The following SERPINA9 variants were observed in gnomAD, a reference collection of about 807,000 sequenced individuals.
SERPINA9 encodes serpin family A member 9.
SERPINA9 carries 32 observed loss-of-function variants against 24.5 expected under a neutral mutation model. That is an observed-to-expected ratio of 1.30 (90% confidence interval 0.98 to 1.75). The LOEUF (loss-of-function observed/expected upper bound fraction) is 1.75. SERPINA9 is among the 40% of genes most tolerant of loss of function. SERPINA9 has a pLI of 0.00. For synonymous variants in SERPINA9, 233 were observed against 197.7 expected (o/e 1.18, Z -1.50); for missense variants, 594 against 497.1 (o/e 1.19, Z -1.85).
At chr14:94,465,631 G>A (rs1312216268) in intron 3 of SERPINA9, among the ~76,000 whole-genome samples, 1 of 152,124 alleles carries the variant, frequency 6.6e-6, no homozygotes, top group Admixed American at 6.5e-5. Flanking sequence ...GGGTTCAAGT[G>A]TTTCTCCTGC....
At chr14:94,475,421 CACACACACACACACAT>C (rs1899552207) in intron 1 of SERPINA9, among the ~76,000 whole-genome samples, 2 of 89,346 alleles carry the variant, frequency 2.2e-5, no homozygotes, top group African/African-American at 9.1e-5. Flanking sequence ...CCTACATGTG[CACACACACACACACAT>C]ACACACACAC....
intron 3 of SERPINA9, among the ~76,000 whole-genome samples, chr14:94,466,306 T>C (rs1483432357): frequency 1.3e-5 from 2 of 152,206 alleles, no homozygotes; most frequent in African/African-American, 4.8e-5. Context: ...CACCGCCTCC[T>C]TGAAGCTGTC....
intron 3 of SERPINA9, among the ~76,000 whole-genome samples, chr14:94,465,551 G>A (rs938371234): frequency 6.6e-5 from 10 of 151,916 alleles, no homozygotes; most frequent in African/African-American, 2.4e-4. Context: ...TTTTTAAGAT[G>A]GAGTCTCACT....
intron 1 of SERPINA9, among the ~76,000 whole-genome samples, chr14:94,473,658 G>A (rs559164403): frequency 1.2e-4 from 19 of 152,126 alleles, no homozygotes; most frequent in Admixed American, 5.9e-4. Flanking sequence ...TCTTCAGGAC[G>A]CCGTGTAAGA....
rs1399480601 is a variant in SERPINA9 at position 94,469,659 on chromosome 14, A to C, written c.182T>G (p.Leu61Trp). The C allele has an allele frequency of 1.4e-5, 22 of 1,613,994 alleles. No homozygotes were observed. The South Asian group carries it at 2.1e-4, about 15-fold the overall frequency. ...GAAGATGTTCTGACTCGGGGTCTCCAAAACCAGCCTGCGGTATAGGCGGAA... is the reference window on the plus strand; with the variant it reads ...GAAGATGTTCTGACTCGGGGTCTCCCAAACCAGCCTGCGGTATAGGCGGAA... ...FAFRLYRRLV[L>W]ETPSQNIFFS... Residue 61 changes from leucine (L) to tryptophan (W), a missense_variant, in exon 2 of 5, where the codon TTG becomes TGG. By Grantham distance (61) the Leu-to-Trp change is moderately conservative (BLOSUM62 -2). Transcript: ENST00000674397.
intron 3 of SERPINA9, among the ~76,000 whole-genome samples, chr14:94,465,460 T>A (rs574053129): frequency 1.3e-5 from 2 of 152,368 alleles, no homozygotes; most frequent in South Asian, 4.1e-4. Context: ...CACCACCTGA[T>A]AATTTAGCAC....
chr14:94,475,441 C>T lies in SERPINA9; in HGVS notation c.-18+695G>A, dbSNP rs57819259. On this transcript the variant is annotated intron_variant, in intron 1 of 4. Transcript: ENST00000674397. Reference sequence around the variant, plus strand: ...ATGTGCACACACACACACACATACACACACACACACACACACACACACTGA... The same window carrying T: ...ATGTGCACACACACACACACATACATACACACACACACACACACACACTGA... 1.7e-3 allele frequency among the ~76,000 whole-genome samples: 26 copies of T among 15,356 alleles called. 1 individual carries two copies. The South Asian group carries it at 0.021, about 13-fold the overall frequency. 10.1% of individuals were successfully genotyped at this position (15,356 alleles called of 152,430 possible).
chr14:94,473,742 C>T (rs1280223511), intron 1 of SERPINA9, among the ~76,000 whole-genome samples: 1 of 152,120 alleles, frequency 6.6e-6, no homozygotes, highest in African/African-American at 2.4e-5. Flanking sequence ...GGCCCTCTAG[C>T]CTCAATGGTG....
intron 1 of SERPINA9, among the ~76,000 whole-genome samples, chr14:94,475,288 A>G (rs1899534599): frequency 1.3e-5 from 2 of 152,192 alleles, no homozygotes; most frequent in Middle Eastern, 3.4e-3. Context: ...GGCAACATGT[A>G]ACTCATCAGC....
Position 94,463,138 on chromosome 14 carries a change from G to T in SERPINA9, c.1209C>A (p.Asp403Glu). The change falls in exon 5 of 5, where the codon GAC becomes GAA. Residue 403 changes from aspartate (D) to glutamate (E), a missense_variant. By Grantham distance (45) the Asp-to-Glu change is conservative. Coordinates refer to ENST00000674397, the MANE Select transcript of SERPINA9 (RefSeq NM_175739.4). ...FLMMITNKAT[D>E]GILFLGKVEN... The stretch of plus-strand genomic sequence containing the variant: ...CCACTTTCCCTAGAAAGAGAATACC[G>T]TCTGTGGCTTTATTTGTAATCATCA... 6.2e-7 allele frequency: 1 copy of T among 1,614,148 alleles called. No individual in the cohort carries two copies. Among genetic ancestry groups the T allele is most frequent in the Non-Finnish European group, 8.5e-7 (1 of 1,179,974 alleles).
Position 94,464,804 on chromosome 14 carries a change from A to G in SERPINA9, c.953T>C (p.Leu318Pro), listed in dbSNP as rs745686158. Residue 318 changes from leucine to proline, a missense_variant, in exon 4 of 5, where the codon CTG (leucine) becomes CCG (proline). Leu to Pro is a moderately conservative substitution (Grantham distance 98, BLOSUM62 -3). Coordinates refer to ENST00000674397, the MANE Select transcript of SERPINA9 (RefSeq NM_175739.4). ...PRFSISASYN[L>P]ETILPKMGIQ... is the part of the protein sequence containing the mutation. ...GCCCATCTTCGGGAGGATGGTTTCCAGATTGTAGGAGGCAGAAATGGAAAA... is the reference window on the plus strand; with the variant it reads ...GCCCATCTTCGGGAGGATGGTTTCCGGATTGTAGGAGGCAGAAATGGAAAA... The G allele has an allele frequency of 1.2e-6, 2 of 1,613,670 alleles. No individual in the cohort carries two copies. The highest frequency in any genetic ancestry group is 1.7e-6 in the Non-Finnish European group (2 of 1,179,586).
At chr14:94,475,967 C>T (rs997403775) in intron 1 of SERPINA9, 169 bp downstream of exon 1, 1 of 947,128 alleles carries the variant, frequency 1.1e-6, no homozygotes, top group African/African-American at 1.6e-5. Flanking sequence ...CTTCTGTATC[C>T]ACAAAAATGT....
chr14:94,462,787 A>T lies in SERPINA9; in HGVS notation c.*306T>A. On this transcript the variant is annotated 3_prime_UTR_variant, in exon 5 of 5. Coordinates refer to ENST00000674397, the MANE Select transcript of SERPINA9 (RefSeq NM_175739.4). ...TTGTAATTCTGCAATAGAGGTGCCT[A>T]ACCTGGGTTGGCGTATTTCCATTCC... The T allele has an allele frequency of 2.7e-6, 1 of 368,826 alleles. No individual in the cohort carries two copies. Among genetic ancestry groups the T allele is most frequent in the South Asian group, 2.8e-5 (1 of 36,068 alleles). 22.8% of individuals were successfully genotyped at this position (368,826 alleles called of 1,614,324 possible). A position where few individuals can be genotyped will look rare whatever the true frequency, so the allele number is the denominator to read the frequency against.
chr14:94,475,970 A>G, intron 1 of SERPINA9, 166 bp downstream of exon 1: 1 of 1,001,504 alleles, frequency 1.0e-6, no homozygotes, highest in Non-Finnish European at 1.5e-6. Flanking sequence ...CTGTATCCAC[A>G]AAAATGTGAC....
At chr14:94,475,713 A>C (rs567636284) in intron 1 of SERPINA9, among the ~76,000 whole-genome samples, 1 of 152,186 alleles carries the variant, frequency 6.6e-6, no homozygotes, top group African/African-American at 2.4e-5. Flanking sequence ...TCTTTTCTGC[A>C]CTTAAACACT....
chr14:94,469,844 G>A lies in SERPINA9; in HGVS notation c.-4C>T, dbSNP rs757693635. On this transcript the variant is annotated 5_prime_UTR_variant, in exon 2 of 5. Transcript: ENST00000674397. The stretch of plus-strand genomic sequence containing the variant: ...CTCCATAAAGGTAAGATGCCATTTT[G>A]GAACAAAATATGTCTGCAAGAGAAG... 2 of 1,508,792 alleles carry A rather than the reference G, an allele frequency of 1.3e-6. No homozygotes were observed. Among genetic ancestry groups the A allele is most frequent in the Non-Finnish European group, 1.8e-6 (2 of 1,129,194 alleles). 93.5% of individuals were successfully genotyped at this position (1,508,792 alleles called of 1,614,324 possible).
Position 94,464,755 on chromosome 14 carries a change from A to T in SERPINA9, c.1002T>A (p.Asn334Lys), listed in dbSNP as rs762514287. The change falls in exon 4 of 5, where the codon AAT becomes AAA. Residue 334 changes from asparagine (N) to lysine (K), a missense_variant. By Grantham distance (94) the Asn-to-Lys change is moderately conservative (BLOSUM62 0). Transcript: ENST00000674397. ...KMGIQNVFDKNADFSGIAKRD... is the reference protein window; with the variant it reads ...KMGIQNVFDKKADFSGIAKRD... ...TCTTTGCAATTCCAGAAAAATCAGC[A>T]TTTTTGTCAAAGACATTTTGGATGC... 1.9e-6 allele frequency: 3 copies of T among 1,613,714 alleles called. No homozygotes were observed. The highest frequency in any genetic ancestry group is 2.5e-6 in the Non-Finnish European group (3 of 1,179,780).
chr14:94,464,736 C>T lies in SERPINA9; in HGVS notation c.1021G>A (p.Ala341Thr), dbSNP rs776298818. The change falls in exon 4 of 5, where the codon GCA becomes ACA. Residue 341 changes from alanine to threonine, a missense_variant. By Grantham distance (58) the Ala-to-Thr change is moderately conservative. Transcript: ENST00000674397. Reference sequence around the variant, plus strand: ...GAAACCTGCAGGGAGTCTCTCTTTGCAATTCCAGAAAAATCAGCATTTTTG... The same window carrying T: ...GAAACCTGCAGGGAGTCTCTCTTTGTAATTCCAGAAAAATCAGCATTTTTG... Reference protein sequence around the residue: ...FDKNADFSGIAKRDSLQVSKA... With the variant: ...FDKNADFSGITKRDSLQVSKA... The T allele has an allele frequency of 6.2e-7, 1 of 1,613,718 alleles. No homozygotes were observed. The highest frequency in any genetic ancestry group is 1.1e-5 in the South Asian group (1 of 91,014).
intron 1 of SERPINA9, among the ~76,000 whole-genome samples, chr14:94,473,560 AG>A: frequency 6.7e-6 from 1 of 149,466 alleles, no homozygotes; most frequent in Non-Finnish European, 1.5e-5. Context: ...ACAAAAAACC[AG>A]GGAGGTGAAA....
Sources: allele counts gnomAD v4.1 joint callset (sites outside exome capture counted in the v4.1 genomes callset), GRCh38; gene constraint gnomAD v4.1.1; transcripts MANE v1.5; gene names NCBI Gene and HGNC (gene_info 2026-07-23, HGNC 2026-07-21).